PRDM16: variants seen among roughly 807,000 people sequenced by gnomAD.
PRDM16 encodes the protein PR/SET domain 16.
A neutral mutation model predicts 110.6 loss-of-function variants in PRDM16; 23 were observed. That is an observed-to-expected ratio of 0.21 (90% CI 0.15 to 0.29). The LOEUF (loss-of-function observed/expected upper bound fraction) is 0.29, where lower values mean the gene tolerates loss of function less well. PRDM16 is among the 10% of genes least tolerant of loss of function. The pLI is 1.00. For synonymous variants in PRDM16, 799 were observed against 781.8 expected (o/e 1.02, Z -0.37); for missense variants, 1,615 against 1,794.3 (o/e 0.90, Z 1.81).
intron 2 of PRDM16, among the ~76,000 whole-genome samples, chr1:3,226,611 T>C (rs1427008024): frequency 6.6e-6 from 1 of 152,204 alleles, no homozygotes; most frequent in African/African-American, 2.4e-5. Flanking sequence ...GCTTGGAGCA[T>C]TTAACAACAA....
intron 1 of PRDM16, 68 bp from the exon 2 acceptor site, chr1:3,186,057 G>T (rs879559366): frequency 2.2e-6 from 3 of 1,352,580 alleles, no homozygotes; most frequent in African/African-American, 1.4e-5. Context: ...AGTCCCCGGC[G>T]CTCCCTGAGC....
intron 1 of PRDM16, among the ~76,000 whole-genome samples, chr1:3,139,608 T>C (rs1311770645): frequency 6.6e-6 from 1 of 152,252 alleles, no homozygotes; most frequent in African/African-American, 2.4e-5. Context: ...CAAGCATTGT[T>C]ACAATATCTG....
chr1:3,227,401 C>T (rs966056005), intron 2 of PRDM16, among the ~76,000 whole-genome samples: 5 of 152,266 alleles, frequency 3.3e-5, no homozygotes, highest in Admixed American at 6.5e-5. Context: ...TCAGTGACCC[C>T]GGGCAAGCTC....
At chr1:3,330,508 C>G (rs972792420) in intron 3 of PRDM16, among the ~76,000 whole-genome samples, 1 of 152,208 alleles carries the variant, frequency 6.6e-6, no homozygotes. Flanking sequence ...ATCTGCCCCT[C>G]GCTCCCTAGG....
intron 1 of PRDM16, among the ~76,000 whole-genome samples, chr1:3,099,192 A>G (rs1400431972): frequency 6.6e-6 from 1 of 152,242 alleles, no homozygotes; most frequent in Non-Finnish European, 1.5e-5. Flanking sequence ...GGTTGAGGGC[A>G]GCTCGGTCAG....
intron 3 of PRDM16, among the ~76,000 whole-genome samples, chr1:3,322,589 C>T (rs111427764): frequency 0.018 from 2,768 of 152,234 alleles, 89 homozygotes; most frequent in African/African-American, 0.061. Flanking sequence ...CCTGCACGTC[C>T]GGTCTCCTCC....
intron 1 of PRDM16, among the ~76,000 whole-genome samples, chr1:3,072,028 G>T (rs1641776657): frequency 6.6e-6 from 1 of 152,304 alleles, no homozygotes; most frequent in East Asian, 1.9e-4. Flanking sequence ...TGGCCACTGG[G>T]GCACCCAAGC....
chr1:3,092,986 C>T (rs1468870835), intron 1 of PRDM16, among the ~76,000 whole-genome samples: 21 of 152,118 alleles, frequency 1.4e-4, no homozygotes, highest in Non-Finnish European at 3.1e-4. Context: ...CTGCAGGGAC[C>T]GAGGTGGCGT....
chr1:3,087,784 C>T (rs1429751777), intron 1 of PRDM16, among the ~76,000 whole-genome samples: 1 of 152,094 alleles, frequency 6.6e-6, no homozygotes, highest in Non-Finnish European at 1.5e-5. Context: ...CATTTTTACT[C>T]TTCTTTTTTT....
rs1048591744 is a variant in PRDM16, at chr1:3,240,578, T to C, written c.388-3509T>C. Among the ~76,000 whole-genome samples, 114 of 152,206 alleles carry C rather than the reference T, an allele frequency of 7.5e-4. 1 individual carries two copies. The highest frequency in any genetic ancestry group is 2.3e-3 in the African/African-American group (97 of 41,452). On this transcript the variant is annotated intron_variant, in intron 2 of 16. Transcript: ENST00000270722. ...GGGCTCCGTCCACCTCCCGCTGGTATGGAAGCAGCTCCGTGGCCGGGGCTC... is the reference window on the plus strand; with the variant it reads ...GGGCTCCGTCCACCTCCCGCTGGTACGGAAGCAGCTCCGTGGCCGGGGCTC...
chr1:3,227,289 T>G (rs1439891377), intron 2 of PRDM16, among the ~76,000 whole-genome samples: 3 of 152,226 alleles, frequency 2.0e-5, no homozygotes, highest in Non-Finnish European at 1.5e-5. Context: ...AATGAAGCCC[T>G]GTTATTTCTA....
At chr1:3,405,412 C>T (rs1020177340) in intron 7 of PRDM16, 83 bp from the exon 8 acceptor site, 4 of 1,439,932 alleles carry the variant, frequency 2.8e-6, no homozygotes, top group Admixed American at 2.5e-5. Flanking sequence ...CCCTGCCCCC[C>T]ACAGCCGGTT....
chr1:3,277,118 T>C (rs1307527445), intron 3 of PRDM16, among the ~76,000 whole-genome samples: 1 of 152,194 alleles, frequency 6.6e-6, no homozygotes, highest in African/African-American at 2.4e-5. Context: ...CTGCTGCCTG[T>C]GGTCTCTGCA....
chr1:3,097,036 G>T (rs543520820), intron 1 of PRDM16, among the ~76,000 whole-genome samples: 21 of 152,298 alleles, frequency 1.4e-4, no homozygotes, highest in African/African-American at 3.9e-4. Context: ...GGTGCATCGG[G>T]TGCGTGTGCT....
At chr1:3,275,480 C>A (rs922649491) in intron 3 of PRDM16, among the ~76,000 whole-genome samples, 12 of 152,176 alleles carry the variant, frequency 7.9e-5, no homozygotes, top group Non-Finnish European at 1.6e-4. Flanking sequence ...CCTGGGGGAC[C>A]TGGCTACCAG....
At chr1:3,249,722 A>G (rs1162659687) in intron 3 of PRDM16, among the ~76,000 whole-genome samples, 2 of 152,230 alleles carry the variant, frequency 1.3e-5, no homozygotes, top group African/African-American at 4.8e-5. Flanking sequence ...GCTTCGTCGC[A>G]GTAAGCCGCG....
At chr1:3,194,299 A>T (rs116202027) in intron 2 of PRDM16, among the ~76,000 whole-genome samples, 2,481 of 152,308 alleles carry the variant, frequency 0.016, 78 homozygotes, top group African/African-American at 0.057. Flanking sequence ...CTCCCTGTGC[A>T]GGGCGCTTCC....
At chr1:3,433,596 TCACC>T (rs1638830375) in intron 16 of PRDM16, 77 bp from the exon 17 acceptor site, 1 of 976,802 alleles carries the variant, frequency 1.0e-6, no homozygotes, top group African/African-American at 2.2e-5. Flanking sequence ...GCCCACGCGC[TCACC>T]TGCCTGTCTG....
intron 1 of PRDM16, among the ~76,000 whole-genome samples, chr1:3,077,984 A>G (rs1641936934): frequency 6.6e-6 from 1 of 152,206 alleles, no homozygotes; most frequent in Non-Finnish European, 1.5e-5. Context: ...TGCCACATGC[A>G]GTGGATGCCT....
Sources: allele counts gnomAD v4.1 joint callset (sites outside exome capture counted in the v4.1 genomes callset), GRCh38; gene constraint gnomAD v4.1.1; transcripts MANE v1.5; gene names NCBI Gene and HGNC (gene_info 2026-07-23, HGNC 2026-07-21).